The following CLDN10 variants were observed in gnomAD, a reference collection of about 807,000 sequenced individuals.
The protein encoded by CLDN10 is claudin 10.
Under a neutral mutation model 22.9 loss-of-function variants are expected in CLDN10, and 15 were observed. That is an observed-to-expected ratio of 0.65 (90% CI 0.44 to 1.01). The LOEUF (loss-of-function observed/expected upper bound fraction) is 1.01, where lower values mean the gene tolerates loss of function less well. Among genes scored for constraint, CLDN10 ranks in the 50% least tolerant of loss-of-function variants. The probability of loss-of-function intolerance (pLI) is 0.00; values close to 1 mark genes in which losing one functional copy is unlikely to be tolerated. For synonymous variants in CLDN10, 114 were observed against 111.4 expected (o/e 1.02, Z -0.15); for missense variants, 247 against 287.8 (o/e 0.86, Z 1.03).
intron 1 of CLDN10, 70 bp from the exon 2 acceptor site, chr13:95,560,062 C>A (rs182192209): frequency 1.4e-6 from 2 of 1,392,032 alleles, no homozygotes; most frequent in African/African-American, 1.4e-5. Context: ...AGAATGACAA[C>A]GTAAAATGAG....
At chr13:95,497,812 C>T (rs1385964244) in intron 1 of CLDN10, among the ~76,000 whole-genome samples, 1 of 151,858 alleles carries the variant, frequency 6.6e-6, no homozygotes, top group Admixed American at 6.6e-5. Flanking sequence ...AAACAGGCCA[C>T]TGAATACTAG....
At chr13:95,433,863 G>A (rs2042236746) in exon 1 of CLDN10, 1 of 1,614,066 alleles carries the variant, frequency 6.2e-7, no homozygotes, top group Non-Finnish European at 8.5e-7. Flanking sequence ...GGGCTCTGGT[G>A]TCTGGTGTCG....
intron 1 of CLDN10, among the ~76,000 whole-genome samples, chr13:95,445,272 G>C (rs1048710163): frequency 2.0e-5 from 3 of 152,240 alleles, no homozygotes; most frequent in African/African-American, 7.2e-5. Flanking sequence ...GATGTGCACA[G>C]AGCGGGGGAG....
intron 1 of CLDN10, among the ~76,000 whole-genome samples, chr13:95,480,167 C>CA (rs1237259593): frequency 2.6e-5 from 4 of 152,012 alleles, no homozygotes; most frequent in Admixed American, 2.6e-4. Flanking sequence ...CTCACGATCA[C>CA]AAAAACAGCA....
intron 1 of CLDN10, among the ~76,000 whole-genome samples, chr13:95,508,006 T>C (rs1177309370): frequency 6.6e-6 from 1 of 152,054 alleles, no homozygotes; most frequent in East Asian, 1.9e-4. Context: ...AAGGATCACT[T>C]GAGCCCAGGA....
In CLDN10 at chr13:95,536,398, G is replaced by A. The variant is rs553347340; in HGVS notation, c.215-23734G>A. Among the ~76,000 whole-genome samples, 4 of 152,128 alleles carry A rather than the reference G, an allele frequency of 2.6e-5. No homozygotes were observed. The South Asian group carries it at 8.3e-4, about 32-fold the overall frequency. ...CAGGAGGTGGAGGTTGCAGTAAGCCGAGATCACGCCACTGCACTCCAGCCC... is the reference window on the plus strand; with the variant it reads ...CAGGAGGTGGAGGTTGCAGTAAGCCAAGATCACGCCACTGCACTCCAGCCC... On this transcript the variant is annotated intron_variant, in intron 1 of 4. Transcript: ENST00000376873.
chr13:95,535,022 T>A (rs994623366), intron 1 of CLDN10, among the ~76,000 whole-genome samples: 21 of 151,972 alleles, frequency 1.4e-4, no homozygotes, highest in Non-Finnish European at 2.8e-4. Context: ...AGAGTTTTTT[T>A]AAAAAGTAAT....
intron 1 of CLDN10, among the ~76,000 whole-genome samples, chr13:95,487,948 G>T (rs1166775036): frequency 6.6e-6 from 1 of 151,140 alleles, no homozygotes; most frequent in Non-Finnish European, 1.5e-5. Context: ...AAAGTGCTAG[G>T]ATTACAGGCA....
intron 1 of CLDN10, among the ~76,000 whole-genome samples, chr13:95,456,673 C>T (rs2042484850): frequency 6.6e-6 from 1 of 152,132 alleles, no homozygotes; most frequent in Non-Finnish European, 1.5e-5. Context: ...GGGAGGATTG[C>T]TTGAGCCTAG....
At chr13:95,463,285 A>ATATATATATAT (rs1555288952) in intron 1 of CLDN10, among the ~76,000 whole-genome samples, 3 of 40,096 alleles carry the variant, frequency 7.5e-5, no homozygotes, top group African/African-American at 2.3e-4. Flanking sequence ...GCAAATGCTT[A>ATATATATATAT]ATATATATAT....
intron 1 of CLDN10, among the ~76,000 whole-genome samples, chr13:95,435,091 A>T (rs2042255079): frequency 1.3e-5 from 2 of 151,690 alleles, no homozygotes; most frequent in African/African-American, 4.8e-5. Context: ...ACGTATCTCA[A>T]AGAGGGAACA....
chr13:95,530,731 AG>A (rs1353936984), intron 1 of CLDN10, among the ~76,000 whole-genome samples: 1 of 152,172 alleles, frequency 6.6e-6, no homozygotes. Context: ...GTTTTCCTAA[AG>A]TATGGCCCTG....
chr13:95,549,916 TTC>T (rs2043546513), upstream of CLDN10, among the ~76,000 whole-genome samples: 1 of 152,260 alleles, frequency 6.6e-6, no homozygotes, highest in Admixed American at 6.5e-5. Context: ...AATAGAATAT[TTC>T]TTTTTTCAAA....
At chr13:95,491,109 C>T (rs552924068) in intron 1 of CLDN10, among the ~76,000 whole-genome samples, 2 of 152,178 alleles carry the variant, frequency 1.3e-5, no homozygotes, top group Non-Finnish European at 2.9e-5. Flanking sequence ...GCATGAAATG[C>T]CTTTTTCCAC....
At chr13:95,569,266 C>T (rs895698508) in intron 3 of CLDN10, among the ~76,000 whole-genome samples, 1 of 152,120 alleles carries the variant, frequency 6.6e-6, no homozygotes, top group African/African-American at 2.4e-5. Context: ...GTAGAAGGCA[C>T]GTTTGAAGGG....
At chr13:95,568,805 A>G (rs918662338) in intron 3 of CLDN10, among the ~76,000 whole-genome samples, 1 of 152,114 alleles carries the variant, frequency 6.6e-6, no homozygotes, top group Non-Finnish European at 1.5e-5. Flanking sequence ...TATCTCCTAG[A>G]ATGGTAAGAC....
chr13:95,577,464 G>C (rs2043951202), intron 4 of CLDN10, 126 bp downstream of exon 4: 2 of 683,012 alleles, frequency 2.9e-6, no homozygotes, highest in Non-Finnish European at 2.5e-6. Context: ...ATTGGAAAAG[G>C]TTAGCAGTAC....
chr13:95,533,282 G>A (rs1258647311), intron 1 of CLDN10, among the ~76,000 whole-genome samples: 1 of 151,558 alleles, frequency 6.6e-6, no homozygotes, highest in Non-Finnish European at 1.5e-5. Flanking sequence ...AGAGAGCAAA[G>A]CAAATAAAAT....
At chr13:95,534,322 G>A (rs559989510) in intron 1 of CLDN10, among the ~76,000 whole-genome samples, 3 of 152,134 alleles carry the variant, frequency 2.0e-5, no homozygotes, top group Non-Finnish European at 2.9e-5. Flanking sequence ...CTGCCAGGAC[G>A]ATATGTTAAT....
Sources: allele counts gnomAD v4.1 joint callset (sites outside exome capture counted in the v4.1 genomes callset), GRCh38; gene constraint gnomAD v4.1.1; transcripts MANE v1.5; gene names NCBI Gene and HGNC (gene_info 2026-07-23, HGNC 2026-07-21).